The following CDC42BPA variants were observed in gnomAD, a reference collection of about 807,000 sequenced individuals.
The protein encoded by CDC42BPA is CDC42 binding protein kinase alpha, also known as serine/threonine-protein kinase MRCK alpha.
A neutral mutation model predicts 223.5 loss-of-function variants in CDC42BPA; 80 were observed. The observed-to-expected ratio is 0.36, with a 90% CI of 0.30 to 0.43. The LOEUF (loss-of-function observed/expected upper bound fraction) is 0.43. CDC42BPA is among the 20% of genes least tolerant of loss of function. The pLI is 1.00. For missense variants in CDC42BPA, 1,743 were observed against 2,099.9 expected (o/e 0.83, Z 3.32); for synonymous variants, 694 against 718.6 (o/e 0.97, Z 0.55).
intron 1 of CDC42BPA, among the ~76,000 whole-genome samples, chr1:227,291,444 G>GAAA (rs1572895499): frequency 6.6e-6 from 1 of 152,248 alleles, no homozygotes; most frequent in East Asian, 1.9e-4. Context: ...AGCTACTCAG[G>GAAA]AGGCTGAGGC....
chr1:227,303,766 G>T (rs577874002), intron 1 of CDC42BPA, among the ~76,000 whole-genome samples: 1 of 152,150 alleles, frequency 6.6e-6, no homozygotes, highest in Non-Finnish European at 1.5e-5. Context: ...CCAAAATTTT[G>T]TTTCTATAGT....
intron 1 of CDC42BPA, among the ~76,000 whole-genome samples, chr1:227,255,848 A>C (rs1185767391): frequency 6.6e-6 from 1 of 152,186 alleles, no homozygotes; most frequent in Non-Finnish European, 1.5e-5. Flanking sequence ...GATTGGAAGA[A>C]GACTTAATAT....
chr1:227,008,951 C>A (rs958678891), intron 34 of CDC42BPA, among the ~76,000 whole-genome samples: 2 of 152,000 alleles, frequency 1.3e-5, no homozygotes, highest in African/African-American at 4.8e-5. Context: ...CAAGAGCAAC[C>A]CTGTAAGACG....
At chr1:227,025,819 A>G (rs1190219305) in intron 31 of CDC42BPA, among the ~76,000 whole-genome samples, 1 of 152,206 alleles carries the variant, frequency 6.6e-6, no homozygotes, top group Non-Finnish European at 1.5e-5. Context: ...GTTCATAATA[A>G]TAACAATCAT....
At chr1:227,106,745 T>G (rs1446135758) in intron 14 of CDC42BPA, among the ~76,000 whole-genome samples, 1 of 152,216 alleles carries the variant, frequency 6.6e-6, no homozygotes, top group Non-Finnish European at 1.5e-5. Flanking sequence ...TTTGTATAAC[T>G]GGTGTGATGC....
At chr1:227,264,162 A>G (rs983241093) in intron 1 of CDC42BPA, among the ~76,000 whole-genome samples, 3 of 152,202 alleles carry the variant, frequency 2.0e-5, no homozygotes, top group African/African-American at 7.2e-5. Context: ...AATACATTTC[A>G]ACTTGAATTT....
At chr1:227,205,235 C>G (rs1672452157) in intron 3 of CDC42BPA, among the ~76,000 whole-genome samples, 1 of 144,216 alleles carries the variant, frequency 6.9e-6, no homozygotes, top group African/African-American at 2.6e-5. Context: ...AGCCACTGCA[C>G]TCCAGCCTAG....
chr1:227,031,264 T>C (rs1436890667), intron 28 of CDC42BPA, 34 bp downstream of exon 28: 5 of 1,520,344 alleles, frequency 3.3e-6, no homozygotes, highest in East Asian at 4.5e-5. Flanking sequence ...TAGTAAACAA[T>C]GATAATAATA....
chr1:227,198,312 G>C (rs745825515), intron 4 of CDC42BPA, among the ~76,000 whole-genome samples: 2 of 151,842 alleles, frequency 1.3e-5, no homozygotes, highest in Non-Finnish European at 2.9e-5. Flanking sequence ...AATTAAGTTA[G>C]TGGGGCACAG....
chr1:227,313,506 A>G (rs1221215673), intron 1 of CDC42BPA, among the ~76,000 whole-genome samples: 3 of 152,216 alleles, frequency 2.0e-5, no homozygotes, highest in Non-Finnish European at 4.4e-5. Flanking sequence ...TCATTCCTAG[A>G]ATAGAATATT....
intron 1 of CDC42BPA, among the ~76,000 whole-genome samples, chr1:227,275,982 C>A (rs1686915243): frequency 1.3e-5 from 2 of 152,168 alleles, no homozygotes; most frequent in South Asian, 4.1e-4. Context: ...CCTGCCTTGG[C>A]CTCCCAAAGT....
chr1:227,259,345 A>G (rs1041386326), intron 1 of CDC42BPA, among the ~76,000 whole-genome samples: 6 of 151,082 alleles, frequency 4.0e-5, no homozygotes, highest in Non-Finnish European at 7.3e-5. Context: ...GTTGAGGCAA[A>G]CATCCTACTA....
intron 15 of CDC42BPA, among the ~76,000 whole-genome samples, chr1:227,099,852 T>C (rs1309297860): frequency 6.6e-6 from 1 of 152,150 alleles, no homozygotes; most frequent in Non-Finnish European, 1.5e-5. Flanking sequence ...ATAGAACGGA[T>C]TTCCTCTTAC....
chr1:227,294,271 CAAA>C (rs372428331), intron 1 of CDC42BPA, among the ~76,000 whole-genome samples: 1 of 137,856 alleles, frequency 7.3e-6, no homozygotes, highest in Non-Finnish European at 1.6e-5. Context: ...GACTTCATCT[CAAA>C]AAAAAAAAAA....
intron 34 of CDC42BPA, among the ~76,000 whole-genome samples, chr1:227,014,809 A>C (rs1665887331): frequency 6.6e-6 from 1 of 152,178 alleles, no homozygotes; most frequent in African/African-American, 2.4e-5. Flanking sequence ...TACCAATCAA[A>C]AGGGTCATTT....
chr1:227,222,271 G>A (rs919991815), intron 2 of CDC42BPA, among the ~76,000 whole-genome samples: 1 of 151,756 alleles, frequency 6.6e-6, no homozygotes, highest in Non-Finnish European at 1.5e-5. Flanking sequence ...CACTTTGGGA[G>A]GCCAAGGAAG....
chr1:227,154,689 A>T (rs1184527769), intron 6 of CDC42BPA, among the ~76,000 whole-genome samples: 1 of 152,098 alleles, frequency 6.6e-6, no homozygotes, highest in East Asian at 1.9e-4. Flanking sequence ...ATTAATAGTA[A>T]ACATCATGGA....
At position 227,139,588 on chromosome 1, in the gene CDC42BPA, T is replaced by C; in HGVS notation, c.1378A>G (p.Arg460Gly). The change falls in exon 10 of 37, where the codon AGA becomes GGA. Residue 460 changes from arginine to glycine, a missense_variant. Around this residue, in one of 6 missense-constraint regions of CDC42BPA, gnomAD observed 464 missense variants for 488.0 expected, o/e 0.95. Coordinates refer to ENST00000366766, the MANE Select transcript of CDC42BPA (RefSeq NM_001394014.1). ...RLEQEKLELS[R>G]KLQESTQTVQ... ...AAAATATATTTACCTTGAAGTTTTC[T>C]ACTGAGTTCAAGTTTTTCTTGCTCA... is the stretch of plus-strand genomic sequence containing the variant. The C allele has an allele frequency of 1.3e-6, 2 of 1,585,486 alleles. No homozygotes were observed. Among genetic ancestry groups the C allele is most frequent in the Non-Finnish European group, 1.7e-6 (2 of 1,168,344 alleles).
intron 15 of CDC42BPA, among the ~76,000 whole-genome samples, chr1:227,092,946 A>G (rs900489583): frequency 6.6e-6 from 1 of 152,180 alleles, no homozygotes; most frequent in Non-Finnish European, 1.5e-5. Context: ...CTCTACCATA[A>G]TCACGAAGCA....
Sources: allele counts gnomAD v4.1 joint callset (sites outside exome capture counted in the v4.1 genomes callset), GRCh38; gene constraint gnomAD v4.1.1; regional missense constraint gnomAD v4.1.1; transcripts MANE v1.5; gene names NCBI Gene and HGNC (gene_info 2026-07-23, HGNC 2026-07-21).